Variants in CCDC3 observed in about 807,000 individuals in gnomAD.
CCDC3 encodes coiled-coil domain-containing protein 3.
A neutral mutation model predicts 21.4 loss-of-function variants in CCDC3; 24 were observed. The ratio of observed to expected loss-of-function variants is 1.12; its 90% CI spans 0.81 to 1.58. The LOEUF (loss-of-function observed/expected upper bound fraction) is 1.58. Among genes scored for constraint, CCDC3 ranks in the 40% most tolerant of loss-of-function variants. The pLI, the probability that CCDC3 is intolerant of heterozygous loss-of-function variation, is 0.00. For synonymous variants in CCDC3, 186 were observed against 166.0 expected (o/e 1.12, Z -0.93); for missense variants, 425 against 360.9 (o/e 1.18, Z -1.44).
intron 4 of CCDC3, among the ~76,000 whole-genome samples, chr10:13,054,966 C>A (rs980761267): frequency 2.0e-5 from 3 of 152,158 alleles, no homozygotes; most frequent in Non-Finnish European, 4.4e-5. Flanking sequence ...TGCACCCAGC[C>A]AAGGAGTTAT....
chr10:12,943,906 G>A (rs900473852), intron 2 of CCDC3, among the ~76,000 whole-genome samples: 21 of 152,068 alleles, frequency 1.4e-4, no homozygotes, highest in Non-Finnish European at 2.6e-4. Context: ...ATGAGATGAC[G>A]AATCTTGGGT....
At chr10:12,975,400 C>T (rs533135611) in intron 2 of CCDC3, among the ~76,000 whole-genome samples, 1 of 152,278 alleles carries the variant, frequency 6.6e-6, no homozygotes, top group South Asian at 2.1e-4. Context: ...CACCTGCTGG[C>T]CATTCATTCC....
intron 5 of CCDC3, among the ~76,000 whole-genome samples, chr10:13,040,726 C>T (rs1487286777): frequency 6.8e-6 from 1 of 147,438 alleles, no homozygotes; most frequent in Admixed American, 6.8e-5. Context: ...CACACACACA[C>T]AAAGTAAACA....
intron 5 of CCDC3, among the ~76,000 whole-genome samples, chr10:13,009,417 T>G (rs1411134147): frequency 2.6e-5 from 4 of 152,182 alleles, no homozygotes; most frequent in African/African-American, 9.6e-5. Flanking sequence ...TTGATAAGCA[T>G]AGTCAAAATT....
In CCDC3 at chr10:12,899,933, C is replaced by T. The variant is rs1834067566; in HGVS notation, c.550-1254G>A. Among the ~76,000 whole-genome samples the T allele has an allele frequency of 1.3e-5, 2 of 152,192 alleles. 1 individual carries two copies. The highest frequency in any genetic ancestry group is 4.1e-4 in the South Asian group (2 of 4,820). ...CTTGAATTCTAGCTCTTATAATCTC[C>T]ATGTGTCATGGGAGGGACCCAGTGG... On this transcript the variant is annotated intron_variant, in intron 2 of 2. Coordinates refer to ENST00000378825, the MANE Select transcript of CCDC3 (RefSeq NM_031455.4).
At chr10:13,047,608 T>A (rs1836545622) in intron 5 of CCDC3, among the ~76,000 whole-genome samples, 1 of 152,138 alleles carries the variant, frequency 6.6e-6, no homozygotes. Context: ...TCACACAGAA[T>A]GCCTGGGTAC....
intron 2 of CCDC3, among the ~76,000 whole-genome samples, chr10:12,931,718 T>C (rs1243248356): frequency 6.6e-6 from 1 of 152,254 alleles, no homozygotes; most frequent in Admixed American, 6.5e-5. Context: ...GCTTAAAATA[T>C]GTAGACTCAT....
chr10:12,957,027 T>C (rs1835100248), intron 2 of CCDC3, among the ~76,000 whole-genome samples: 1 of 152,254 alleles, frequency 6.6e-6, no homozygotes, highest in Non-Finnish European at 1.5e-5. Context: ...CCTTTTGCAA[T>C]TCAGGAGTGT....
intron 5 of CCDC3, among the ~76,000 whole-genome samples, chr10:13,036,896 C>A (rs1247756541): frequency 6.6e-6 from 1 of 151,938 alleles, no homozygotes; most frequent in Non-Finnish European, 1.5e-5. Flanking sequence ...CCTCTCATCT[C>A]AGTATCCAGC....
chr10:13,004,016 T>C (rs1013254526), upstream of CCDC3, among the ~76,000 whole-genome samples: 1 of 152,194 alleles, frequency 6.6e-6, no homozygotes, highest in Admixed American at 6.5e-5. Flanking sequence ...GCAGTTCCTC[T>C]TTGGGGACTA....
At chr10:13,024,684 T>G (rs544453542) in intron 5 of CCDC3, among the ~76,000 whole-genome samples, 2 of 152,350 alleles carry the variant, frequency 1.3e-5, no homozygotes, top group South Asian at 2.1e-4. Flanking sequence ...TTCTCTAGCT[T>G]AACTTGTACC....
At chr10:13,080,297 T>C (rs2131446673) in intron 3 of CCDC3, among the ~76,000 whole-genome samples, 1 of 151,998 alleles carries the variant, frequency 6.6e-6, no homozygotes, top group East Asian at 1.9e-4. Context: ...ACACAGAAGG[T>C]AAGACTAGGA....
intron 2 of CCDC3, among the ~76,000 whole-genome samples, chr10:12,975,836 T>G (rs1036279150): frequency 4.6e-5 from 7 of 152,236 alleles, no homozygotes; most frequent in Non-Finnish European, 2.9e-5. Context: ...AATCCCAAAT[T>G]GCAGGTGTAA....
chr10:12,988,602 C>T (rs1251413442), intron 2 of CCDC3, among the ~76,000 whole-genome samples: 1 of 152,152 alleles, frequency 6.6e-6, no homozygotes, highest in African/African-American at 2.4e-5. Flanking sequence ...CCTCAGCCTC[C>T]CGAAGTGTCA....
At chr10:13,050,199 G>A (rs759970161) in intron 4 of CCDC3, among the ~76,000 whole-genome samples, 11 of 152,170 alleles carry the variant, frequency 7.2e-5, no homozygotes, top group Non-Finnish European at 1.0e-4. Flanking sequence ...GTGGAATTGG[G>A]GGCAGGGCTG....
chr10:13,081,126 G>A lies in CCDC3; in HGVS notation c.-502-7026C>T, dbSNP rs1370147152. 1.3e-4 allele frequency among the ~76,000 whole-genome samples: 19 copies of A among 146,524 alleles called. No individual in the cohort carries two copies. The South Asian group carries it at 1.5e-3, about 12-fold the overall frequency. On this transcript the variant is annotated intron_variant, in intron 3 of 6. Transcript: ENST00000378839. ...AACTAAGTAAACATTTTTAAAAAAG[G>A]AAATTTCTCAACAAGAAGACACTAG...
chr10:12,909,207 G>A (rs1834226200), intron 2 of CCDC3, among the ~76,000 whole-genome samples: 1 of 152,156 alleles, frequency 6.6e-6, no homozygotes, highest in Admixed American at 6.5e-5. Flanking sequence ...AACAGCAGGA[G>A]GGCTATAAGG....
At chr10:12,935,190 T>C (rs746210223) in intron 2 of CCDC3, among the ~76,000 whole-genome samples, 78 of 152,200 alleles carry the variant, frequency 5.1e-4, no homozygotes, top group Non-Finnish European at 9.6e-4. Context: ...GTCTTTATAT[T>C]AAAGTGAGCT....
Position 12,998,395 on chromosome 10 carries a change from C to A in CCDC3, c.492G>T (p.Ser164=), listed in dbSNP as rs770704967. 10 of 1,614,014 alleles carry A rather than the reference C, an allele frequency of 6.2e-6. No homozygotes were observed. The highest frequency in any genetic ancestry group is 3.3e-5 in the Admixed American group (2 of 60,002). The change falls in exon 2 of 3, where the codon TCG becomes TCT. Residue 164 remains serine (S), a synonymous_variant. Transcript: ENST00000378825. ...FSSLFQFSNC[S]QGQQLATFSS... The stretch of plus-strand genomic sequence containing the variant: ...AGAAAGTCGCCAGCTGCTGCCCTTG[C>A]GAACAGTTTGAAAACTGGAAAAGGC...
Sources: allele counts gnomAD v4.1 joint callset (sites outside exome capture counted in the v4.1 genomes callset), GRCh38; gene constraint gnomAD v4.1.1; transcripts MANE v1.5; gene names NCBI Gene and HGNC (gene_info 2026-07-23, HGNC 2026-07-21).